Variants in PID1 observed in about 807,000 individuals in gnomAD.
The protein encoded by PID1 is phosphotyrosine interaction domain containing 1, also known as PTB-containing, cubilin and LRP1-interacting protein.
In PID1, 10 loss-of-function variants were observed where a neutral mutation model predicts 19.1. The observed-to-expected ratio is 0.52, with a 90% CI of 0.32 to 0.89. PID1 has a LOEUF of 0.89. Ranked by LOEUF, PID1 falls within the 40% of genes least tolerant of loss-of-function variation. The probability of loss-of-function intolerance (pLI) is 0.03; values close to 1 mark genes in which losing one functional copy is unlikely to be tolerated. For missense variants in PID1, 248 were observed against 285.3 expected (o/e 0.87, Z 0.94); for synonymous variants, 130 against 116.0 (o/e 1.12, Z -0.78).
chr2:229,213,714 C>T (rs1691786672), intron 1 of PID1, among the ~76,000 whole-genome samples: 1 of 152,172 alleles, frequency 6.6e-6, no homozygotes, highest in Admixed American at 6.5e-5. Flanking sequence ...TATTCTCAGT[C>T]TTCAGCACAA....
intron 2 of PID1, among the ~76,000 whole-genome samples, chr2:229,063,965 A>T (rs1215754014): frequency 1.3e-5 from 2 of 152,006 alleles, no homozygotes; most frequent in Non-Finnish European, 2.9e-5. Context: ...AGAGCTCCAG[A>T]CTCAGACTCA....
chr2:229,082,159 A>G (rs976028984), intron 2 of PID1, among the ~76,000 whole-genome samples: 1 of 152,256 alleles, frequency 6.6e-6, no homozygotes, highest in African/African-American at 2.4e-5. Flanking sequence ...GCTCAAGTTT[A>G]TCAATGATTC....
intron 2 of PID1, among the ~76,000 whole-genome samples, chr2:229,060,247 T>C (rs188564588): frequency 6.6e-6 from 1 of 152,228 alleles, no homozygotes; most frequent in Admixed American, 6.6e-5. Context: ...TAAAATGTGG[T>C]ACCCTTTGAT....
rs146622624 is a variant in PID1 at position 229,219,227 on chromosome 2, G to A, written c.30+51787C>T. 2.4e-3 allele frequency among the ~76,000 whole-genome samples: 358 copies of A among 152,174 alleles called. 1 individual carries two copies. Among genetic ancestry groups the A allele is most frequent in the Middle Eastern group, 0.014 (4 of 294 alleles). On this transcript the variant is annotated intron_variant, in intron 1 of 2. Transcript: ENST00000392055. ...CTGCTAATAAAGATACACCCGAGAC[G>A]CGAGACTGGGTATTTTGTAAAGGAA...
intron 1 of PID1, among the ~76,000 whole-genome samples, chr2:229,224,911 G>T (rs751052265): frequency 4.0e-5 from 6 of 151,738 alleles, no homozygotes; most frequent in Non-Finnish European, 7.4e-5. Flanking sequence ...CTGAACCTTT[G>T]CTGTTTTTCA....
intron 1 of PID1, among the ~76,000 whole-genome samples, chr2:229,257,661 T>C (rs1398296947): frequency 6.6e-6 from 1 of 152,222 alleles, no homozygotes; most frequent in African/African-American, 2.4e-5. Context: ...CAAAGTCTTA[T>C]ATTCCTTACC....
At chr2:229,263,314 A>G (rs1334709894) in intron 1 of PID1, among the ~76,000 whole-genome samples, 1 of 152,182 alleles carries the variant, frequency 6.6e-6, no homozygotes, top group African/African-American at 2.4e-5. Context: ...CTTGTCATGT[A>G]TTGCTGCAGA....
intron 1 of PID1, among the ~76,000 whole-genome samples, chr2:229,226,254 A>G (rs1207566805): frequency 6.6e-6 from 1 of 152,126 alleles, no homozygotes; most frequent in Non-Finnish European, 1.5e-5. Context: ...ACCCACCTAG[A>G]TCTGTGGCCC....
At chr2:229,027,450 G>A (rs1401430801) in intron 2 of PID1, among the ~76,000 whole-genome samples, 1 of 152,184 alleles carries the variant, frequency 6.6e-6, no homozygotes, top group Non-Finnish European at 1.5e-5. Flanking sequence ...TGAAGTTGAG[G>A]TTTAAATCCT....
At chr2:229,098,506 G>A (rs960447330) in intron 2 of PID1, among the ~76,000 whole-genome samples, 9 of 152,024 alleles carry the variant, frequency 5.9e-5, no homozygotes, top group Non-Finnish European at 8.8e-5. Context: ...AGTGCCCATC[G>A]TGTGCCCGTA....
chr2:229,111,282 G>T (rs931321040), intron 2 of PID1, among the ~76,000 whole-genome samples: 1 of 152,160 alleles, frequency 6.6e-6, no homozygotes, highest in Non-Finnish European at 1.5e-5. Flanking sequence ...GATGCCACAG[G>T]CAGGGGCAGA....
At chr2:229,260,012 C>T (rs1690414395) in intron 1 of PID1, among the ~76,000 whole-genome samples, 1 of 152,108 alleles carries the variant, frequency 6.6e-6, no homozygotes, top group Non-Finnish European at 1.5e-5. Context: ...TTCTAAGCTA[C>T]TCAGTCTAAG....
At chr2:229,217,277 T>C (rs895867147) in intron 1 of PID1, among the ~76,000 whole-genome samples, 2 of 152,234 alleles carry the variant, frequency 1.3e-5, no homozygotes, top group African/African-American at 4.8e-5. Context: ...TATTTTATGC[T>C]GATGAGGTTT....
intron 1 of PID1, among the ~76,000 whole-genome samples, chr2:229,250,411 T>A (rs777379324): frequency 9.2e-5 from 14 of 152,188 alleles, no homozygotes; most frequent in African/African-American, 1.4e-4. Context: ...AGACCCAGTA[T>A]CAACTGACTG....
chr2:229,138,931 G>T (rs1408346102), intron 2 of PID1, among the ~76,000 whole-genome samples: 1 of 147,068 alleles, frequency 6.8e-6, no homozygotes, highest in Non-Finnish European at 1.5e-5. Flanking sequence ...GATGAAAGAA[G>T]TAAGAGAAAA....
chr2:229,163,654 TGTGTGTGTGTGTGTGTGTGTGCGTGTGC>T (rs55983634), intron 1 of PID1, among the ~76,000 whole-genome samples: 38,256 of 91,480 alleles, frequency 0.42, 6,122 homozygotes, highest in Non-Finnish European at 0.59. Context: ...AGAGAGAGTG[TGTGTGTGTGTGTGTGTGTGTGCGTGTGC>T]GTGTGTGTGT....
intron 1 of PID1, among the ~76,000 whole-genome samples, chr2:229,232,420 A>T (rs906292307): frequency 1.3e-4 from 15 of 118,154 alleles, no homozygotes; most frequent in African/African-American, 4.8e-4. Context: ...TGACAAAGCA[A>T]GACTCCATCT....
intron 1 of PID1, among the ~76,000 whole-genome samples, chr2:229,194,452 A>G (rs1192238312): frequency 6.6e-6 from 1 of 151,994 alleles, no homozygotes; most frequent in Non-Finnish European, 1.5e-5. Flanking sequence ...AATAAAAATC[A>G]TTTTCAAATT....
Position 229,025,746 on chromosome 2 carries a change from G to A in PID1, c.540C>T (p.His180=), listed in dbSNP as rs775645606. 13 of 1,614,138 alleles carry A rather than the reference G, an allele frequency of 8.1e-6. No individual in the cohort carries two copies. Among genetic ancestry groups the A allele is most frequent in the South Asian group, 4.4e-5 (4 of 91,092 alleles). The change falls in exon 3 of 3, where the codon CAC becomes CAT. Residue 180 remains histidine, a synonymous_variant. Coordinates refer to ENST00000392055, the MANE Select transcript of PID1 (RefSeq NM_001100818.2). The stretch of plus-strand genomic sequence containing the variant: ...TCTTCCTGAAGGCCTCCATCATGGC[G>A]TGGGCCAGTTTCTTGGCCTCGAGCT... ...ESKLEAKKLA[H]AMMEAFRKTF...
Sources: gnomAD v4.1 joint callset for allele counts (sites outside exome capture counted in the v4.1 genomes callset) on GRCh38, gnomAD v4.1.1 for gene constraint, MANE v1.5 for transcripts, NCBI Gene and HGNC (gene_info 2026-07-23, HGNC 2026-07-21) for gene names.